Variants in DSCAM observed in about 807,000 individuals in gnomAD.
DSCAM encodes the protein DS cell adhesion molecule.
A neutral mutation model predicts 217.7 loss-of-function variants in DSCAM; 47 were observed. The observed-to-expected ratio is 0.22, with a 90% CI of 0.17 to 0.28. The LOEUF (loss-of-function observed/expected upper bound fraction) is 0.28. Ranked by LOEUF, DSCAM falls within the 10% of genes least tolerant of loss-of-function variation. The pLI is 1.00. For missense variants in DSCAM, 2,080 were observed against 2,618.3 expected (o/e 0.79, Z 4.49); for synonymous variants, 1,056 against 1,015.3 (o/e 1.04, Z -0.76).
intron 3 of DSCAM, among the ~76,000 whole-genome samples, chr21:40,574,048 T>C (rs922484416): frequency 1.3e-5 from 2 of 151,940 alleles, no homozygotes; most frequent in Non-Finnish European, 2.9e-5. Flanking sequence ...GATGTCAATA[T>C]CTAAGGAAGG....
At chr21:40,213,595 C>T (rs565369618) in intron 11 of DSCAM, among the ~76,000 whole-genome samples, 4 of 152,220 alleles carry the variant, frequency 2.6e-5, no homozygotes, top group Admixed American at 1.3e-4. Flanking sequence ...TTGGGTTCCA[C>T]GCAGAAAACA....
At chr21:40,073,093 C>T (rs1406119223) in intron 27 of DSCAM, among the ~76,000 whole-genome samples, 1 of 152,184 alleles carries the variant, frequency 6.6e-6, no homozygotes, top group Non-Finnish European at 1.5e-5. Flanking sequence ...AGGCCTCACT[C>T]AGTAAGAGCC....
intron 3 of DSCAM, among the ~76,000 whole-genome samples, chr21:40,612,114 G>T (rs557700264): frequency 6.6e-6 from 1 of 152,306 alleles, no homozygotes; most frequent in South Asian, 2.1e-4. Context: ...AAAAGCAATG[G>T]GAAGCCTTGG....
intron 32 of DSCAM, 116 bp from the exon 33 acceptor site, chr21:40,013,502 C>A: frequency 1.4e-6 from 1 of 690,788 alleles, no homozygotes; most frequent in Non-Finnish European, 2.2e-6. Context: ...CCGCTGCACA[C>A]AGGTGCCTTT....
At chr21:40,743,597 A>G (rs1034031274) in intron 1 of DSCAM, among the ~76,000 whole-genome samples, 7 of 152,194 alleles carry the variant, frequency 4.6e-5, no homozygotes, top group Admixed American at 3.9e-4. Context: ...AGAAAAAAAC[A>G]ATCAAATGTA....
chr21:40,323,066 T>C (rs2074277700), intron 8 of DSCAM, among the ~76,000 whole-genome samples: 1 of 152,046 alleles, frequency 6.6e-6, no homozygotes, highest in Non-Finnish European at 1.5e-5. Context: ...GTGTCCTCAA[T>C]CTAGTGACTG....
chr21:40,192,606 C>T (rs1204778630), intron 11 of DSCAM, among the ~76,000 whole-genome samples: 1 of 152,182 alleles, frequency 6.6e-6, no homozygotes, highest in Non-Finnish European at 1.5e-5. Flanking sequence ...TTTAAAAGAA[C>T]AGACTAACAC....
intron 30 of DSCAM, among the ~76,000 whole-genome samples, chr21:40,049,070 A>G (rs1017182610): frequency 5.9e-5 from 9 of 152,194 alleles, no homozygotes; most frequent in Non-Finnish European, 8.8e-5. Context: ...CCAGAGACTG[A>G]TGCATGCATT....
At chr21:40,621,953 A>G (rs549144849) in intron 3 of DSCAM, among the ~76,000 whole-genome samples, 5 of 149,618 alleles carry the variant, frequency 3.3e-5, no homozygotes, top group Admixed American at 1.3e-4. Context: ...AAAAGAAAGG[A>G]AGGAAGGAAA....
chr21:40,193,212 G>A (rs543494786), intron 11 of DSCAM, among the ~76,000 whole-genome samples: 56 of 152,232 alleles, frequency 3.7e-4, no homozygotes, highest in African/African-American at 1.3e-3. Flanking sequence ...CTATAAAAAG[G>A]TGAGCTGGCA....
At chr21:40,442,583 G>A (rs1381306305) in intron 3 of DSCAM, among the ~76,000 whole-genome samples, 7 of 133,066 alleles carry the variant, frequency 5.3e-5, no homozygotes, top group South Asian at 2.4e-4. Context: ...GCAGTGGCAC[G>A]ATCTCGGCTC....
At chr21:40,322,884 T>G (rs184364249) in intron 8 of DSCAM, among the ~76,000 whole-genome samples, 1 of 152,282 alleles carries the variant, frequency 6.6e-6, no homozygotes, top group East Asian at 1.9e-4. Context: ...CCCACATGTA[T>G]AGCCATTTGA....
chr21:40,216,492 G>T (rs1411213879), intron 11 of DSCAM, among the ~76,000 whole-genome samples: 1 of 152,072 alleles, frequency 6.6e-6, no homozygotes, highest in Non-Finnish European at 1.5e-5. Context: ...TAGAGGCAAA[G>T]TCCGTCTATT....
chr21:40,335,893 T>G (rs1056669336), intron 8 of DSCAM, among the ~76,000 whole-genome samples: 2 of 152,200 alleles, frequency 1.3e-5, no homozygotes, highest in Non-Finnish European at 2.9e-5. Context: ...TGGGTGAGAC[T>G]GCTGGGCGTT....
At chr21:40,257,125 G>T (rs2073383001) in intron 11 of DSCAM, among the ~76,000 whole-genome samples, 1 of 152,142 alleles carries the variant, frequency 6.6e-6, no homozygotes. Context: ...AGAAAACAAA[G>T]ATACAATTGT....
chr21:40,340,750 T>C (rs2074482630), intron 6 of DSCAM, among the ~76,000 whole-genome samples: 1 of 152,224 alleles, frequency 6.6e-6, no homozygotes, highest in Non-Finnish European at 1.5e-5. Context: ...TGAATATCTT[T>C]TTTGTTGAAA....
intron 19 of DSCAM, among the ~76,000 whole-genome samples, chr21:40,126,265 GAAAA>G (rs1490520449): frequency 6.8e-6 from 1 of 146,826 alleles, no homozygotes; most frequent in Non-Finnish European, 1.5e-5. Flanking sequence ...AAAGAGGGAA[GAAAA>G]AAGAAAGGAA....
chr21:40,418,140 T>C (rs2075389622), intron 3 of DSCAM, among the ~76,000 whole-genome samples: 1 of 152,174 alleles, frequency 6.6e-6, no homozygotes, highest in Non-Finnish European at 1.5e-5. Flanking sequence ...ATCAGTTGTG[T>C]TCGGCAGGAG....
chr21:40,103,316 G>A (rs932662955), intron 20 of DSCAM, among the ~76,000 whole-genome samples: 20 of 151,922 alleles, frequency 1.3e-4, no homozygotes, highest in Non-Finnish European at 2.8e-4. Flanking sequence ...TAGATAGAAT[G>A]TCCACAGCAG....
Sources: gnomAD v4.1 joint callset for allele counts (sites outside exome capture counted in the v4.1 genomes callset) on GRCh38, gnomAD v4.1.1 for gene constraint, MANE v1.5 for transcripts, NCBI Gene and HGNC (gene_info 2026-07-23, HGNC 2026-07-21) for gene names.